The following SRP68 variants were observed in gnomAD, a reference collection of about 807,000 sequenced individuals.
SRP68 encodes signal recognition particle 68, also known as signal recognition particle subunit SRP68.
In SRP68, 15 loss-of-function variants were observed where a neutral mutation model predicts 82.2. That is an observed-to-expected ratio of 0.18 (90% CI 0.12 to 0.28). The LOEUF (loss-of-function observed/expected upper bound fraction) is 0.28. SRP68 is among the 10% of genes least tolerant of loss of function. The probability of loss-of-function intolerance (pLI) is 1.00; values close to 1 mark genes in which losing one functional copy is unlikely to be tolerated. For missense variants in SRP68, 595 were observed against 780.5 expected, an observed-to-expected ratio of 0.76 and a Z score of 2.83; for synonymous variants, 261 against 292.6, an observed-to-expected ratio of 0.89 and a Z score of 1.10.
chr17:76,049,806 A>G (rs2066658389), intron 9 of SRP68, among the ~76,000 whole-genome samples: 1 of 152,218 alleles, frequency 6.6e-6, no homozygotes, highest in Admixed American at 6.5e-5. Flanking sequence ...TATCAGCATA[A>G]AAGTTTGGAG....
At chr17:76,047,792 A>AT in intron 10 of SRP68, 114 bp downstream of exon 10, 2 of 489,606 alleles carry the variant, frequency 4.1e-6, no homozygotes, top group Non-Finnish European at 6.0e-6. Flanking sequence ...CTGTCTCAAA[A>AT]AAAAAAACAA....
intron 2 of SRP68, 109 bp downstream of exon 2, chr17:76,070,268 AT>A (rs2066840866): frequency 1.2e-6 from 1 of 829,724 alleles, no homozygotes; most frequent in Non-Finnish European, 1.9e-6. Flanking sequence ...AAAAAAAACA[AT>A]GCTCTAGACT....
intron 12 of SRP68, 181 bp downstream of exon 12, chr17:76,045,109 CCA>C: frequency 1.8e-6 from 1 of 561,102 alleles, no homozygotes; most frequent in South Asian, 2.2e-5. Flanking sequence ...TCATCACTGG[CCA>C]CTACTGACCA....
intron 2 of SRP68, among the ~76,000 whole-genome samples, chr17:76,069,108 C>T (rs2066829036): frequency 6.6e-6 from 1 of 151,792 alleles, no homozygotes; most frequent in South Asian, 2.1e-4. Flanking sequence ...ACTTCAGGGG[C>T]CGGGCGTGGT....
intron 10 of SRP68, 101 bp downstream of exon 10, chr17:76,047,805 A>AC (rs2066642542): frequency 8.6e-6 from 5 of 580,492 alleles, no homozygotes; most frequent in East Asian, 4.9e-5. Flanking sequence ...AAAAACAAAG[A>AC]AAAGAAATTA....
At chr17:76,050,215 T>C (rs1890717543) in intron 9 of SRP68, among the ~76,000 whole-genome samples, 1 of 152,012 alleles carries the variant, frequency 6.6e-6, no homozygotes, top group Non-Finnish European at 1.5e-5. Context: ...AGGAAACCAT[T>C]AGGAGGAACA....
chr17:76,071,919 T>C lies in SRP68; in HGVS notation c.184+389A>G, dbSNP rs2066855962. ...GTTTTACTACTCAGTCTATGACGAC[T>C]GTCAGACAAGAGTATTAAGCCAAAT... is the stretch of plus-strand genomic sequence containing the variant. On this transcript the variant is annotated intron_variant, in intron 1 of 15. Coordinates refer to ENST00000307877, the MANE Select transcript of SRP68 (RefSeq NM_014230.4). This position sits in a 1 kb window ranked among gnomAD's most constrained non-coding sequence, Gnocchi z 4.7. 3.5e-6 allele frequency: 1 copy of C among 281,810 alleles called. No homozygotes were observed. The highest frequency in any genetic ancestry group is 6.7e-6 in the Non-Finnish European group (1 of 149,766). 17.5% of individuals were successfully genotyped at this position (281,810 alleles called of 1,614,324 possible). A position where few individuals can be genotyped will look rare whatever the true frequency, so the allele number is the denominator to read the frequency against.
At chr17:76,062,729 T>TTATATATATATATA (rs200522360) in intron 4 of SRP68, among the ~76,000 whole-genome samples, 1 of 14,506 alleles carries the variant, frequency 6.9e-5, no homozygotes, top group Non-Finnish European at 9.4e-5. Context: ...TATATTTATT[T>TTATATATATATATA]TATATATATA....
chr17:76,063,629 A>C lies in SRP68; in HGVS notation c.561+347T>G, dbSNP rs1396759839. Among the ~76,000 whole-genome samples the C allele has an allele frequency of 2.0e-5, 3 of 151,470 alleles. No homozygotes were observed. In the Admixed American group the frequency reaches 2.0e-4, roughly 10 times the overall value. Reference sequence around the variant, plus strand: ...CTTGAACCTGACAGGCAGACGTTGCAGTGAGCTGAGAACGCGCCACTGCAC... The same window carrying C: ...CTTGAACCTGACAGGCAGACGTTGCCGTGAGCTGAGAACGCGCCACTGCAC... On this transcript the variant is annotated intron_variant, in intron 4 of 15. Coordinates refer to ENST00000307877, the MANE Select transcript of SRP68 (RefSeq NM_014230.4).
chr17:76,048,032 T>A, intron 9 of SRP68, 62 bp from the exon 10 acceptor site: 1 of 1,189,812 alleles, frequency 8.4e-7, no homozygotes, highest in Non-Finnish European at 1.2e-6. Flanking sequence ...TCTGACCACC[T>A]CATGGAATGG....
At chr17:76,043,493 G>A (rs1472987615) in intron 13 of SRP68, 3 of 167,620 alleles carry the variant, frequency 1.8e-5, no homozygotes, top group East Asian at 1.8e-4. Flanking sequence ...CTGGGGGTGC[G>A]ACCCAGACAT....
At chr17:76,055,441 C>G (rs980881010) in intron 8 of SRP68, among the ~76,000 whole-genome samples, 1 of 152,086 alleles carries the variant, frequency 6.6e-6, no homozygotes, top group Non-Finnish European at 1.5e-5. Flanking sequence ...CCCTCCCACC[C>G]TTTCCAGGCT....
chr17:76,054,274 T>C (rs1283891379), intron 8 of SRP68, among the ~76,000 whole-genome samples: 1 of 152,136 alleles, frequency 6.6e-6, no homozygotes, highest in African/African-American at 2.4e-5. Flanking sequence ...TTGTTTTCAC[T>C]TGTCTATGGA....
At chr17:76,042,570 G>C (rs1019216156) in intron 13 of SRP68, among the ~76,000 whole-genome samples, 1 of 148,282 alleles carries the variant, frequency 6.7e-6, no homozygotes, top group Non-Finnish European at 1.5e-5. Flanking sequence ...AGCAAAGAAA[G>C]CCTTCCATGG....
chr17:76,071,492 A>G lies in SRP68; in HGVS notation c.184+816T>C, dbSNP rs2066852624. ...TTTAAATTACTAAAACGGGACAAAG[A>G]GATATAAAGGTCTCAGTAAAATCAG... On this transcript the variant is annotated intron_variant, in intron 1 of 15. Transcript: ENST00000307877. The surrounding 1 kb of genome is among the most constrained non-coding windows in gnomAD (Gnocchi z 4.7). Among the ~76,000 whole-genome samples, 1 of 152,212 alleles carries G rather than the reference A, an allele frequency of 6.6e-6. No homozygotes were observed. Among genetic ancestry groups the G allele is most frequent in the Admixed American group, 6.5e-5 (1 of 15,278 alleles).
intron 8 of SRP68, chr17:76,053,761 T>C (rs1175238753): frequency 3.7e-6 from 2 of 545,770 alleles, no homozygotes; most frequent in Non-Finnish European, 4.7e-6. Flanking sequence ...TGATTCTCCC[T>C]GGGCAGGGCA....
intron 15 of SRP68, 40 bp from the exon 16 acceptor site, chr17:76,039,973 C>A: frequency 6.3e-7 from 1 of 1,595,310 alleles, no homozygotes; most frequent in South Asian, 1.1e-5. Flanking sequence ...GCATCGGTCA[C>A]AGAACACCCT....
chr17:76,054,421 T>C (rs886701254), intron 8 of SRP68, among the ~76,000 whole-genome samples: 1 of 152,110 alleles, frequency 6.6e-6, no homozygotes, highest in Non-Finnish European at 1.5e-5. Context: ...TACATGGAAA[T>C]CTGGTAAAGA....
Position 76,047,896 on chromosome 17 carries a change from T to A in SRP68, c.1142+10A>T. On this transcript the variant is annotated intron_variant, in intron 10 of 15. Transcript: ENST00000307877. Reference sequence around the variant, plus strand: ...ATATTAAAAAGTAAAAAAATTAAAATAACCCTTACCTATGCAAGTATTGAA... The same window carrying A: ...ATATTAAAAAGTAAAAAAATTAAAAAAACCCTTACCTATGCAAGTATTGAA... 7.0e-7 allele frequency: 1 copy of A among 1,434,794 alleles called. No individual in the cohort carries two copies. Among genetic ancestry groups the A allele is most frequent in the East Asian group, 2.4e-5 (1 of 40,860 alleles). 88.9% of individuals were successfully genotyped at this position (1,434,794 alleles called of 1,614,324 possible). A position where few individuals can be genotyped will look rare whatever the true frequency, so the allele number is the denominator to read the frequency against.
Sources: allele counts gnomAD v4.1 joint callset (sites outside exome capture counted in the v4.1 genomes callset), GRCh38; gene constraint gnomAD v4.1.1; non-coding constraint Gnocchi (gnomAD v3.1); transcripts MANE v1.5; gene names NCBI Gene and HGNC (gene_info 2026-07-23, HGNC 2026-07-21).